Variants in KANSL1 observed in about 807,000 individuals in gnomAD.
The protein encoded by KANSL1 is KAT8 regulatory NSL complex subunit 1, also known as MLL1/MLL complex subunit KANSL1.
A neutral mutation model predicts 103.6 loss-of-function variants in KANSL1; 22 were observed. The observed-to-expected ratio is 0.21, with a 90% confidence interval of 0.15 to 0.30. KANSL1 has a LOEUF of 0.30. KANSL1 is among the 10% of genes least tolerant of loss of function. The pLI is 1.00. For missense variants in KANSL1, 1,337 were observed against 1,399.8 expected, an observed-to-expected ratio of 0.96 and a Z score of 0.72; for synonymous variants, 600 against 527.6, an observed-to-expected ratio of 1.14 and a Z score of -1.88.
At chr17:46,185,500 T>C (rs2147866544) in intron 1 of KANSL1, among the ~76,000 whole-genome samples, 1 of 152,266 alleles carries the variant, frequency 6.6e-6, no homozygotes, top group East Asian at 1.9e-4. Flanking sequence ...GCTCAAACTT[T>C]TACCCAGCAA....
intron 1 of KANSL1, among the ~76,000 whole-genome samples, chr17:46,201,108 C>T (rs562543328): frequency 6.6e-6 from 1 of 152,154 alleles, no homozygotes; most frequent in Non-Finnish European, 1.5e-5. Flanking sequence ...GACGGAGTTT[C>T]GCCATGTTGG....
chr17:46,069,735 G>A (rs2078508999), intron 4 of KANSL1, among the ~76,000 whole-genome samples: 1 of 152,044 alleles, frequency 6.6e-6, no homozygotes, highest in Non-Finnish European at 1.5e-5. Flanking sequence ...GAGAGAGAGA[G>A]AGACTGTCTC....
chr17:46,222,043 A>C lies in KANSL1; in HGVS notation c.-90+1628T>G, dbSNP rs1202841137. On this transcript the variant is annotated intron_variant, in intron 1 of 14. Coordinates refer to the KANSL1 transcript ENST00000572904. ...AAATAGGAAGAAAACATTACCCCCC[A>C]AAATTGGTTTACACTTAGAAGATGT... is the stretch of plus-strand genomic sequence containing the variant. 2 of 146,680 alleles carry C rather than the reference A, an allele frequency of 1.4e-5. 1 individual carries two copies. Among genetic ancestry groups the C allele is most frequent in the Non-Finnish European group, 3.1e-5 (2 of 64,438 alleles). The allele number at this position is 146,680 out of a possible 1,614,324, so 9.1% of individuals were successfully genotyped here.
chr17:46,109,827 T>C (rs2042727515), intron 2 of KANSL1, among the ~76,000 whole-genome samples: 1 of 152,236 alleles, frequency 6.6e-6, no homozygotes, highest in South Asian at 2.1e-4. Context: ...TGCCCTTACA[T>C]CTAATGACAA....
intron 1 of KANSL1, among the ~76,000 whole-genome samples, chr17:46,217,849 ACC>A (rs2048389883): frequency 1.3e-5 from 2 of 152,358 alleles, no homozygotes; most frequent in South Asian, 4.1e-4. Flanking sequence ...ACATGGTGAA[ACC>A]CTGTTTCTAC....
At chr17:46,189,451 GA>G (rs1292773114) in intron 1 of KANSL1, among the ~76,000 whole-genome samples, 4 of 151,934 alleles carry the variant, frequency 2.6e-5, no homozygotes, top group East Asian at 1.9e-4. Context: ...TCACCAAGAA[GA>G]AAAAAATAGC....
intron 1 of KANSL1, among the ~76,000 whole-genome samples, chr17:46,188,389 G>A (rs556873774): frequency 6.6e-6 from 1 of 152,274 alleles, no homozygotes; most frequent in African/African-American, 2.4e-5. Flanking sequence ...ATGCCCAGAG[G>A]TATATACGCA....
intron 4 of KANSL1, among the ~76,000 whole-genome samples, chr17:46,077,254 G>T (rs2078811519): frequency 1.3e-5 from 2 of 152,134 alleles, no homozygotes; most frequent in South Asian, 4.1e-4. Context: ...GGTTTCGTCA[G>T]GTTGCTGGAG....
In KANSL1 at chr17:46,032,411, G is replaced by C; in HGVS notation, c.2838-112C>G. 8 of 891,784 alleles carry C rather than the reference G, an allele frequency of 9.0e-6. No homozygotes were observed. In the South Asian group the frequency reaches 1.4e-4, roughly 15 times the overall value. The allele number at this position is 891,784 out of a possible 1,614,324, so 55.2% of individuals were successfully genotyped here. A position where few individuals can be genotyped will look rare whatever the true frequency, so the allele number is the denominator to read the frequency against. ...GAGTTGAGGCAAACAAACACCAACAGATTTTCCTTAGGATCCAGCAACTCC... is the reference window on the plus strand; with the variant it reads ...GAGTTGAGGCAAACAAACACCAACACATTTTCCTTAGGATCCAGCAACTCC... On this transcript the variant is annotated intron_variant, in intron 13 of 14. Coordinates refer to ENST00000432791, the MANE Select transcript of KANSL1 (RefSeq NM_015443.4).
At chr17:46,114,512 C>T (rs1245120452) in intron 2 of KANSL1, among the ~76,000 whole-genome samples, 1 of 152,222 alleles carries the variant, frequency 6.6e-6, no homozygotes, top group East Asian at 1.9e-4. Flanking sequence ...TCTTAGACTA[C>T]TATCAAATTC....
intron 2 of KANSL1, among the ~76,000 whole-genome samples, chr17:46,147,325 G>A (rs2044764789): frequency 6.6e-6 from 1 of 152,236 alleles, no homozygotes; most frequent in Non-Finnish European, 1.5e-5. Flanking sequence ...TGTAAACCCA[G>A]CACTTTGGAA....
At chr17:46,193,616 C>G (rs528622179), upstream of KANSL1, 4 of 289,548 alleles carry the variant, frequency 1.4e-5, no homozygotes, top group African/African-American at 6.9e-5. Context: ...GGCTCCTCGC[C>G]GTGGCCGATG....
At chr17:46,167,836 T>C (rs1452697570) in intron 2 of KANSL1, among the ~76,000 whole-genome samples, 3 of 152,244 alleles carry the variant, frequency 2.0e-5, no homozygotes, top group Non-Finnish European at 2.9e-5. Flanking sequence ...TGGATCACTG[T>C]TTCTCCTCTG....
intron 2 of KANSL1, among the ~76,000 whole-genome samples, chr17:46,098,277 T>G (rs1407753874): frequency 6.6e-6 from 1 of 152,098 alleles, no homozygotes; most frequent in East Asian, 1.9e-4. Context: ...TTTGGATTTA[T>G]AGATTCCTTT....
chr17:46,147,205 G>GA (rs1491165143), intron 2 of KANSL1, among the ~76,000 whole-genome samples: 19 of 113,098 alleles, frequency 1.7e-4, no homozygotes, highest in Non-Finnish European at 3.8e-4. Flanking sequence ...AAATACAACA[G>GA]AAAAATCAAC....
At chr17:46,108,529 ACTGT>A (rs1359003755) in intron 2 of KANSL1, among the ~76,000 whole-genome samples, 1 of 152,196 alleles carries the variant, frequency 6.6e-6, no homozygotes, top group African/African-American at 2.4e-5. Flanking sequence ...TATCTTTCTT[ACTGT>A]CTGTTTCCCC....
chr17:46,188,998 A>G (rs62060946), intron 1 of KANSL1, among the ~76,000 whole-genome samples: 18,007 of 134,066 alleles, frequency 0.13, 1 homozygote, highest in Middle Eastern at 0.21. Context: ...GCGCCACTGC[A>G]CTCCAGCCTG....
chr17:46,144,611 G>C (rs2044599251), intron 2 of KANSL1, among the ~76,000 whole-genome samples: 2 of 152,112 alleles, frequency 1.3e-5, no homozygotes, highest in South Asian at 4.1e-4. Flanking sequence ...ATATGACAGG[G>C]GGTACCACGT....
intron 1 of KANSL1, among the ~76,000 whole-genome samples, chr17:46,177,744 G>C (rs1286165444): frequency 6.6e-6 from 1 of 151,590 alleles, no homozygotes; most frequent in East Asian, 1.9e-4. Flanking sequence ...TTCTTAAAGA[G>C]CCAATAACTA....
Sources: gnomAD v4.1 joint callset for allele counts (sites outside exome capture counted in the v4.1 genomes callset) on GRCh38, gnomAD v4.1.1 for gene constraint, MANE v1.5 for transcripts, NCBI Gene and HGNC (gene_info 2026-07-23, HGNC 2026-07-21) for gene names.